The following KREMEN1 variants were observed in gnomAD, a reference collection of about 807,000 sequenced individuals.
KREMEN1 encodes kringle containing transmembrane protein 1.
Under a neutral mutation model 46.5 loss-of-function variants are expected in KREMEN1, and 30 were observed. That is an observed-to-expected ratio of 0.65 (90% CI 0.48 to 0.88). The LOEUF (loss-of-function observed/expected upper bound fraction) is 0.88. Among genes scored for constraint, KREMEN1 ranks in the 40% least tolerant of loss-of-function variants. The probability of loss-of-function intolerance (pLI) is 0.00; values close to 1 mark genes in which losing one functional copy is unlikely to be tolerated. For missense variants in KREMEN1, 533 were observed against 596.9 expected, an observed-to-expected ratio of 0.89 and a Z score of 1.11; for synonymous variants, 214 against 230.6, an observed-to-expected ratio of 0.93 and a Z score of 0.65.
chr22:29,085,265 T>C (rs1337759180), intron 1 of KREMEN1, among the ~76,000 whole-genome samples: 1 of 152,170 alleles, frequency 6.6e-6, no homozygotes, highest in Non-Finnish European at 1.5e-5. Flanking sequence ...TATAAGGAAG[T>C]CCCATGTATC....
At chr22:29,121,229 G>T in intron 3 of KREMEN1, 128 bp from the exon 4 acceptor site, 1 of 1,049,790 alleles carries the variant, frequency 9.5e-7, no homozygotes, top group Admixed American at 2.4e-5. Flanking sequence ...CTGGTTGCTT[G>T]TTGTTTATTT....
At position 29,142,215 on chromosome 22, in the gene KREMEN1, C is replaced by G; in HGVS notation, c.*103C>G. 7.0e-7 allele frequency: 1 copy of G among 1,421,252 alleles called. No individual in the cohort carries two copies. Among genetic ancestry groups the G allele is most frequent in the Non-Finnish European group, 9.2e-7 (1 of 1,089,434 alleles). 88.0% of individuals were successfully genotyped at this position (1,421,252 alleles called of 1,614,324 possible). On this transcript the variant is annotated 3_prime_UTR_variant, in exon 9 of 9. Transcript: ENST00000400335. The stretch of plus-strand genomic sequence containing the variant: ...TCTGACAGACTCTTCCCCTCCTCTC[C>G]CTCTGCCTCGGCCTCTTCGGGGAAA...
chr22:29,124,448 A>G (rs2038408001), intron 4 of KREMEN1, among the ~76,000 whole-genome samples: 1 of 151,792 alleles, frequency 6.6e-6, no homozygotes, highest in Non-Finnish European at 1.5e-5. Flanking sequence ...TATTGGGGTA[A>G]TGGAGCTGTT....
At chr22:29,095,093 A>G (rs1186114699) in intron 2 of KREMEN1, among the ~76,000 whole-genome samples, 2 of 152,172 alleles carry the variant, frequency 1.3e-5, no homozygotes, top group Non-Finnish European at 2.9e-5. Context: ...TGTCGTGGTC[A>G]GACAGCACCA....
In KREMEN1 at chr22:29,138,625, C is replaced by T. The variant is rs756701299; in HGVS notation, c.966C>T (p.Ala322=). The change falls in exon 7 of 9, where the codon GCC becomes GCT. Residue 322 remains alanine (A), a splice_region_variant and synonymous_variant. Transcript: ENST00000400335. The part of the protein sequence containing the change: ...QAQGFAVLYQ[A]VKEELPQERP... ...AGTTAATTGCTTTTTCTCTTCCAGC[C>T]GTCAAGGAAGAACTGCCACAGGAGA... 10 of 1,613,950 alleles carry T rather than the reference C, an allele frequency of 6.2e-6. No individual in the cohort carries two copies. The South Asian group carries it at 7.7e-5, about 12-fold the overall frequency.
rs1460041438 is a variant in KREMEN1, at chr22:29,099,086, T to C, written c.352+133T>C. ...GAGCATGTGAAAGGAGAAGCCATCC[T>C]GGGCGAGGATTTTCACTTCTCTTGT... On this transcript the variant is annotated intron_variant, in intron 3 of 8. Coordinates refer to ENST00000400335, the MANE Select transcript of KREMEN1 (RefSeq NM_001039570.3). 6 of 657,912 alleles carry C rather than the reference T, an allele frequency of 9.1e-6. No homozygotes were observed. The Admixed American group carries it at 1.4e-4, about 15-fold the overall frequency. The allele number at this position is 657,912 out of a possible 1,614,324, so 40.8% of individuals were successfully genotyped here.
chr22:29,138,270 G>C (rs2038702302), intron 6 of KREMEN1, among the ~76,000 whole-genome samples: 1 of 152,244 alleles, frequency 6.6e-6, no homozygotes, highest in South Asian at 2.1e-4. Flanking sequence ...CTCTCTCCAG[G>C]TGGGACAGTC....
chr22:29,166,707 G>C (rs1373336205), intron 9 of KREMEN1, among the ~76,000 whole-genome samples: 1 of 152,168 alleles, frequency 6.6e-6, no homozygotes, highest in African/African-American at 2.4e-5. Context: ...GGGAATCCGA[G>C]GTGGAAGGAT....
chr22:29,167,197 T>C lies in KREMEN1; in HGVS notation c.*91T>C, dbSNP rs142652516. ...TTCATTGCCTCTCCTCGCACAGAAA[T>C]GGTGGGCTCTCTCTGGCCCAGCGTG... On this transcript the variant is annotated 3_prime_UTR_variant, in exon 10 of 10. Transcript: ENST00000327813. 4.0e-4 allele frequency: 426 copies of C among 1,072,030 alleles called. 1 individual carries two copies. The African/African-American group carries it at 5.9e-3, about 15-fold the overall frequency. 66.4% of individuals were successfully genotyped at this position (1,072,030 alleles called of 1,614,324 possible). A position where few individuals can be genotyped will look rare whatever the true frequency, so the allele number is the denominator to read the frequency against.
chr22:29,094,140 C>A, intron 1 of KREMEN1, 118 bp from the exon 2 acceptor site: 1 of 783,976 alleles, frequency 1.3e-6, no homozygotes, highest in Non-Finnish European at 2.1e-6. Flanking sequence ...TGTCCAGGAT[C>A]TAGCAAGACA....
At chr22:29,120,078 A>G (rs62236925) in intron 3 of KREMEN1, among the ~76,000 whole-genome samples, 4 of 24,348 alleles carry the variant, frequency 1.6e-4, no homozygotes, top group African/African-American at 3.1e-4. Context: ...GAGGTGATGA[A>G]GGAAATGGAG....
chr22:29,161,269 G>C (rs132306), intron 9 of KREMEN1, among the ~76,000 whole-genome samples: 1 of 151,596 alleles, frequency 6.6e-6, no homozygotes, highest in African/African-American at 2.4e-5. Context: ...GCACTTTGGG[G>C]GGCCAAGGTG....
chr22:29,138,027 C>T (rs2038698636), intron 6 of KREMEN1, among the ~76,000 whole-genome samples: 1 of 152,250 alleles, frequency 6.6e-6, no homozygotes, highest in South Asian at 2.1e-4. Flanking sequence ...GTCCGTCCTC[C>T]TTCCTCTAAA....
rs2038739832 is a variant in KREMEN1 at position 29,140,281 on chromosome 22, G to T, written c.1124-1G>T. On this transcript the variant is annotated splice_acceptor_variant, in intron 7 of 8. Transcript: ENST00000400335. LOFTEE classifies it high-confidence loss of function. ...GTAAGCTCTGTCTTTTGCACTTGCA[G>T]GATGGACAGTCTATGGTCTGGCAAC... 1 of 1,613,418 alleles carries T rather than the reference G, an allele frequency of 6.2e-7. No individual in the cohort carries two copies.
Position 29,131,707 on chromosome 22 carries a change from T to C in KREMEN1, c.632-5635T>C, listed in dbSNP as rs543249690. 2.0e-3 allele frequency among the ~76,000 whole-genome samples: 264 copies of C among 134,658 alleles called. 2 individuals carry two copies. Among genetic ancestry groups the C allele is most frequent in the African/African-American group, 7.7e-3 (245 of 31,852 alleles). 88.3% of individuals were successfully genotyped at this position (134,658 alleles called of 152,430 possible). ...ATATACATGTATATATGTGTATATA[T>C]ATGTATATATGTATATATATGTATA... On this transcript the variant is annotated intron_variant, in intron 5 of 8. Coordinates refer to ENST00000400335, the MANE Select transcript of KREMEN1 (RefSeq NM_001039570.3).
At chr22:29,082,801 A>G (rs1307207075) in intron 1 of KREMEN1, among the ~76,000 whole-genome samples, 2 of 152,210 alleles carry the variant, frequency 1.3e-5, no homozygotes, top group East Asian at 1.9e-4. Context: ...AGTGCTACCT[A>G]TTCTAGACCC....
intron 3 of KREMEN1, among the ~76,000 whole-genome samples, chr22:29,118,455 TG>T (rs1265579620): frequency 1.3e-5 from 2 of 151,648 alleles, no homozygotes; most frequent in Non-Finnish European, 2.9e-5. Flanking sequence ...TACCATAGAG[TG>T]GGTGGCTTAA....
intron 2 of KREMEN1, 98 bp from the exon 3 acceptor site, chr22:29,098,764 C>T (rs2037925349): frequency 1.1e-6 from 1 of 888,182 alleles, no homozygotes. Flanking sequence ...AGAAATAATA[C>T]AGAAGCTAAA....
intron 3 of KREMEN1, among the ~76,000 whole-genome samples, chr22:29,105,004 G>T (rs1037804336): frequency 6.6e-5 from 10 of 152,162 alleles, no homozygotes; most frequent in Admixed American, 6.5e-4. Flanking sequence ...TGTACAAAAC[G>T]GGGGACACAA....
Sources: gnomAD v4.1 joint callset for allele counts (sites outside exome capture counted in the v4.1 genomes callset) on GRCh38, gnomAD v4.1.1 for gene constraint, MANE v1.5 for transcripts, NCBI Gene and HGNC (gene_info 2026-07-23, HGNC 2026-07-21) for gene names.